Variants in ELOVL6 observed in about 807,000 individuals in gnomAD.
ELOVL6 encodes the protein ELOVL fatty acid elongase 6.
ELOVL6 carries 8 observed loss-of-function variants against 31.7 expected under a neutral mutation model. The ratio of observed to expected loss-of-function variants is 0.25; its 90% CI spans 0.15 to 0.45. The LOEUF (loss-of-function observed/expected upper bound fraction) is 0.45. Ranked by LOEUF, ELOVL6 falls within the 20% of genes least tolerant of loss-of-function variation. The pLI, the probability that ELOVL6 is intolerant of heterozygous loss-of-function variation, is 1.00. For synonymous variants in ELOVL6, 101 were observed against 117.7 expected (o/e 0.86, Z 0.92); for missense variants, 126 against 326.4 (o/e 0.39, Z 4.73).
chr4:110,179,727 A>G (rs761364026), intron 1 of ELOVL6, among the ~76,000 whole-genome samples: 1 of 152,238 alleles, frequency 6.6e-6, no homozygotes, highest in Non-Finnish European at 1.5e-5. Flanking sequence ...GCATATAAAC[A>G]AGACATACGG....
At chr4:110,082,775 A>G (rs1755906761) in intron 2 of ELOVL6, among the ~76,000 whole-genome samples, 1 of 152,190 alleles carries the variant, frequency 6.6e-6, no homozygotes, top group Non-Finnish European at 1.5e-5. Context: ...ACCTAGCAAC[A>G]TACTTCTCAG....
intron 2 of ELOVL6, among the ~76,000 whole-genome samples, chr4:110,082,756 T>TA (rs1004811811): frequency 3.5e-4 from 54 of 152,182 alleles, no homozygotes; most frequent in African/African-American, 1.2e-3. Context: ...AAAAAATAAA[T>TA]AAAAAATCAC....
chr4:110,111,174 CT>C (rs1197228648), intron 1 of ELOVL6, among the ~76,000 whole-genome samples: 2 of 152,168 alleles, frequency 1.3e-5, no homozygotes, highest in African/African-American at 2.4e-5. Context: ...GTAAACTTAT[CT>C]TTTTCCCCCC....
At chr4:110,178,229 T>C (rs1035981556) in intron 1 of ELOVL6, among the ~76,000 whole-genome samples, 1 of 151,536 alleles carries the variant, frequency 6.6e-6, no homozygotes, top group African/African-American at 2.4e-5. Flanking sequence ...AAATATGGTA[T>C]GAAAACTATG....
chr4:110,193,836 G>C (rs889934463), intron 1 of ELOVL6, among the ~76,000 whole-genome samples: 2 of 152,164 alleles, frequency 1.3e-5, no homozygotes, highest in African/African-American at 2.4e-5. Context: ...GCTTTGAAAG[G>C]CTGGATGTGT....
In ELOVL6 at chr4:110,048,710, TG is replaced by T. The variant is rs1409348280; in HGVS notation, c.*2627del. 3.2e-5 allele frequency: 3 copies of T among 94,804 alleles called. No individual in the cohort carries two copies. The highest frequency in any genetic ancestry group is 5.6e-5 in the Non-Finnish European group (3 of 54,028). The allele number at this position is 94,804 out of a possible 1,614,324, so 5.9% of individuals were successfully genotyped here. The stretch of plus-strand genomic sequence containing the variant: ...ACCAAAATTTTGTTTTGTTTTGTTT[TG>T]TTTTAAAAAAAATGTGGCTTTTTTC... On this transcript the variant is annotated 3_prime_UTR_variant, in exon 4 of 4. Coordinates refer to ENST00000302274, the MANE Select transcript of ELOVL6 (RefSeq NM_024090.3).
chr4:110,127,546 G>A (rs1327119451), intron 1 of ELOVL6, among the ~76,000 whole-genome samples: 1 of 147,784 alleles, frequency 6.8e-6, no homozygotes. Context: ...GAAACTAATG[G>A]ATAACATTTA....
At chr4:110,056,520 T>C (rs935016264) in intron 3 of ELOVL6, among the ~76,000 whole-genome samples, 1 of 151,486 alleles carries the variant, frequency 6.6e-6, no homozygotes, top group Non-Finnish European at 1.5e-5. Flanking sequence ...AAGAACAATA[T>C]CCCATATTTT....
intron 1 of ELOVL6, among the ~76,000 whole-genome samples, chr4:110,162,864 C>T (rs1419351376): frequency 2.0e-5 from 3 of 152,258 alleles, no homozygotes; most frequent in African/African-American, 4.8e-5. Flanking sequence ...CTCTGCAAAG[C>T]AGTTATTGGG....
chr4:110,144,591 C>T (rs1409766721), intron 1 of ELOVL6, among the ~76,000 whole-genome samples: 1 of 152,106 alleles, frequency 6.6e-6, no homozygotes. Flanking sequence ...TCAATTGCAG[C>T]ACTACTCTTT....
At chr4:110,141,140 C>G in intron 1 of ELOVL6, among the ~76,000 whole-genome samples, 1 of 152,092 alleles carries the variant, frequency 6.6e-6, no homozygotes, top group Non-Finnish European at 1.5e-5. Context: ...CTCAGCTCAC[C>G]GCAACCTCTG....
intron 1 of ELOVL6, among the ~76,000 whole-genome samples, chr4:110,139,193 A>C (rs543670105): frequency 2.0e-5 from 3 of 152,282 alleles, no homozygotes; most frequent in East Asian, 3.9e-4. Flanking sequence ...CTTCTATGAA[A>C]GCCTAATAAG....
chr4:110,123,539 A>T (rs1178105197), intron 1 of ELOVL6, among the ~76,000 whole-genome samples: 1 of 152,202 alleles, frequency 6.6e-6, no homozygotes, highest in African/African-American at 2.4e-5. Flanking sequence ...AATTACAAAT[A>T]TTATGGAAAG....
chr4:110,085,893 T>G (rs1249863961), intron 2 of ELOVL6, among the ~76,000 whole-genome samples: 2 of 152,148 alleles, frequency 1.3e-5, no homozygotes, highest in African/African-American at 4.8e-5. Context: ...TATTTTGTAC[T>G]TTTTGTAGAG....
intron 1 of ELOVL6, among the ~76,000 whole-genome samples, chr4:110,107,167 C>G (rs1003731569): frequency 3.3e-5 from 5 of 152,196 alleles, no homozygotes; most frequent in African/African-American, 1.2e-4. Context: ...TTTACACAAG[C>G]AGCTTTCCTA....
rs939161390 is a variant in ELOVL6, at chr4:110,047,670, C to G, written c.*3668G>C. ...TTTGGGAGACCAAGGCGGGTGGATC[C>G]CCTGAGGTCAGGAGCTCGAGACCAG... is the stretch of plus-strand genomic sequence containing the variant. On this transcript the variant is annotated 3_prime_UTR_variant, in exon 4 of 4. Transcript: ENST00000302274. 1 of 152,058 alleles carries G rather than the reference C, an allele frequency of 6.6e-6. No homozygotes were observed. The highest frequency in any genetic ancestry group is 2.1e-4 in the South Asian group (1 of 4,818). The allele number at this position is 152,058 out of a possible 1,614,324, so 9.4% of individuals were successfully genotyped here.
chr4:110,196,825 A>G (rs1759809188), intron 1 of ELOVL6, among the ~76,000 whole-genome samples: 1 of 151,978 alleles, frequency 6.6e-6, no homozygotes, highest in African/African-American at 2.4e-5. Flanking sequence ...GCCGCCGCAA[A>G]TGGCCATTGG....
chr4:110,183,795 A>C (rs1759365246), intron 1 of ELOVL6, among the ~76,000 whole-genome samples: 1 of 152,164 alleles, frequency 6.6e-6, no homozygotes, highest in African/African-American at 2.4e-5. Flanking sequence ...CAGCCTGGGC[A>C]ACGTGGGGAA....
chr4:110,088,980 C>T (rs1237188393), intron 2 of ELOVL6, among the ~76,000 whole-genome samples: 5 of 152,178 alleles, frequency 3.3e-5, no homozygotes, highest in Admixed American at 6.5e-5. Context: ...AGGGAAACTA[C>T]TGCACTCGTG....
Sources: gnomAD v4.1 joint callset for allele counts (sites outside exome capture counted in the v4.1 genomes callset) on GRCh38, gnomAD v4.1.1 for gene constraint, MANE v1.5 for transcripts, NCBI Gene and HGNC (gene_info 2026-07-23, HGNC 2026-07-21) for gene names.